Variants in ENTHD1 observed in about 807,000 individuals in gnomAD.
The protein encoded by ENTHD1 is ENTH domain-containing protein 1.
Under a neutral mutation model 39.1 loss-of-function variants are expected in ENTHD1, and 23 were observed. The ratio of observed to expected loss-of-function variants is 0.59; its 90% CI spans 0.42 to 0.83. The LOEUF (loss-of-function observed/expected upper bound fraction) is 0.83. Ranked by LOEUF, ENTHD1 falls within the 40% of genes least tolerant of loss-of-function variation. The probability of loss-of-function intolerance (pLI) is 0.00; values close to 1 mark genes in which losing one functional copy is unlikely to be tolerated. For synonymous variants in ENTHD1, 230 were observed against 258.2 expected (o/e 0.89, Z 1.05); for missense variants, 624 against 705.4 (o/e 0.88, Z 1.31).
chr22:39,853,579 A>C (rs112459262), intron 3 of ENTHD1, among the ~76,000 whole-genome samples: 2,007 of 150,004 alleles, frequency 0.013, 21 homozygotes, highest in East Asian at 0.072. Context: ...TCTTCTTCTT[A>C]TTATTATTTT....
chr22:39,869,983 C>CTTTATTTATTTATTTA (rs137943), intron 2 of ENTHD1, among the ~76,000 whole-genome samples: 57 of 140,698 alleles, frequency 4.1e-4, no homozygotes, highest in Admixed American at 7.9e-4. Flanking sequence ...GAGAACAGTA[C>CTTTATTTATTTATTTA]TTTATTTATT....
At chr22:39,793,650 G>A (rs1001516441) in intron 5 of ENTHD1, among the ~76,000 whole-genome samples, 2 of 151,082 alleles carry the variant, frequency 1.3e-5, no homozygotes, top group African/African-American at 2.4e-5. Context: ...TCTTTAATCC[G>A]GGGTCTAGTT....
chr22:39,829,968 C>T (rs1438754784), intron 4 of ENTHD1, among the ~76,000 whole-genome samples: 1 of 152,092 alleles, frequency 6.6e-6, no homozygotes, highest in African/African-American at 2.4e-5. Context: ...CAGTTACAAA[C>T]TCCTTGGGCT....
At chr22:39,845,364 A>C (rs1045900777) in intron 3 of ENTHD1, among the ~76,000 whole-genome samples, 1 of 152,186 alleles carries the variant, frequency 6.6e-6, no homozygotes, top group African/African-American at 2.4e-5. Context: ...CCAGGACCTG[A>C]GCCCTTAACC....
chr22:39,836,647 A>G (rs2065909497), intron 3 of ENTHD1, among the ~76,000 whole-genome samples: 1 of 152,196 alleles, frequency 6.6e-6, no homozygotes, highest in Admixed American at 6.5e-5. Context: ...CACCTGTGAT[A>G]TGGTTTGGAT....
chr22:39,865,862 C>A (rs1569174202), intron 2 of ENTHD1, among the ~76,000 whole-genome samples: 1 of 152,158 alleles, frequency 6.6e-6, no homozygotes, highest in African/African-American at 2.4e-5. Flanking sequence ...ACAAAGGAAG[C>A]CAAGACTGGA....
At chr22:39,778,726 C>G (rs776143721) in intron 5 of ENTHD1, among the ~76,000 whole-genome samples, 54 of 152,326 alleles carry the variant, frequency 3.5e-4, no homozygotes, top group African/African-American at 1.2e-3. Flanking sequence ...CTTGTTCTTA[C>G]AGCTCTTTCC....
intron 5 of ENTHD1, among the ~76,000 whole-genome samples, chr22:39,818,292 C>T (rs2065749721): frequency 6.6e-6 from 1 of 152,194 alleles, no homozygotes; most frequent in South Asian, 2.1e-4. Flanking sequence ...ATGATTCCTG[C>T]CCCAGCCTTT....
rs2065080656 is a variant in ENTHD1, at chr22:39,743,847, TAAAAG to T, written c.1651_1655del (p.Leu551LysfsTer9). 2 of 1,613,988 alleles carry T rather than the reference TAAAAG, an allele frequency of 1.2e-6. No homozygotes were observed. Among genetic ancestry groups the T allele is most frequent in the Non-Finnish European group, 1.7e-6 (2 of 1,180,020 alleles). On this transcript the variant is annotated frameshift_variant, in exon 7 of 7. Coordinates refer to ENST00000325157, the MANE Select transcript of ENTHD1 (RefSeq NM_152512.4). LOFTEE classifies it low-confidence loss of function (END_TRUNC). ...TAGCGATCGCACGTTTTACCTCCCT[TAAAAG>T]AACACTAATGGAATTCTTTGCTTCA...
chr22:39,782,544 T>C (rs1205279061), intron 5 of ENTHD1, among the ~76,000 whole-genome samples: 1 of 151,994 alleles, frequency 6.6e-6, no homozygotes, highest in Non-Finnish European at 1.5e-5. Flanking sequence ...CTAATGAATA[T>C]AGATACAAAA....
rs528246802 is a variant in ENTHD1, at chr22:39,849,762, C to G, written c.592+12003G>C. ...GTTATAGCCAGCCATCTTTCTAAAACTCACTATTTTTAGTATGTCTGTAGA... is the reference window on the plus strand; with the variant it reads ...GTTATAGCCAGCCATCTTTCTAAAAGTCACTATTTTTAGTATGTCTGTAGA... On this transcript the variant is annotated intron_variant, in intron 3 of 6. Coordinates refer to ENST00000325157, the MANE Select transcript of ENTHD1 (RefSeq NM_152512.4). Among the ~76,000 whole-genome samples the G allele has an allele frequency of 2.6e-5, 4 of 152,246 alleles. No homozygotes were observed. In the South Asian group the frequency reaches 8.3e-4, roughly 32 times the overall value.
At chr22:39,811,333 C>G (rs2065684329) in intron 5 of ENTHD1, among the ~76,000 whole-genome samples, 1 of 152,180 alleles carries the variant, frequency 6.6e-6, no homozygotes, top group Non-Finnish European at 1.5e-5. Flanking sequence ...GTCCAGGCCA[C>G]TGGATAAGCT....
chr22:39,784,502 C>G (rs952368873), intron 5 of ENTHD1, among the ~76,000 whole-genome samples: 1 of 151,206 alleles, frequency 6.6e-6, no homozygotes, highest in Admixed American at 6.6e-5. Flanking sequence ...AACCTAAGTG[C>G]CCACCAATGA....
chr22:39,831,313 C>T (rs895427660), intron 4 of ENTHD1, among the ~76,000 whole-genome samples: 4 of 152,114 alleles, frequency 2.6e-5, no homozygotes, highest in Non-Finnish European at 5.9e-5. Context: ...CAAAAGAAAG[C>T]AATCCCAAGC....
intron 6 of ENTHD1, among the ~76,000 whole-genome samples, chr22:39,749,888 C>T (rs746615115): frequency 6.6e-6 from 1 of 152,178 alleles, no homozygotes; most frequent in African/African-American, 2.4e-5. Context: ...GTGAGGTCAT[C>T]GTTACTGCCT....
intron 3 of ENTHD1, among the ~76,000 whole-genome samples, chr22:39,839,597 G>A (rs1363967812): frequency 6.6e-6 from 1 of 152,332 alleles, no homozygotes; most frequent in African/African-American, 2.4e-5. Flanking sequence ...TCACATAAAA[G>A]TGAATAATTA....
At chr22:39,782,143 T>C (rs1484451010) in intron 5 of ENTHD1, among the ~76,000 whole-genome samples, 1 of 151,896 alleles carries the variant, frequency 6.6e-6, no homozygotes, top group Non-Finnish European at 1.5e-5. Flanking sequence ...AAAAATTATC[T>C]GGGCATGGTG....
At chr22:39,789,326 A>AT (rs1470055877) in intron 5 of ENTHD1, among the ~76,000 whole-genome samples, 1 of 152,042 alleles carries the variant, frequency 6.6e-6, no homozygotes, top group Non-Finnish European at 1.5e-5. Context: ...CCCTCACCAA[A>AT]TACACTGAAA....
rs2066389620 is a variant in ENTHD1 at position 39,887,564 on chromosome 22, T to C, written c.185A>G (p.Asn62Ser). 4 of 1,614,238 alleles carry C rather than the reference T, an allele frequency of 2.5e-6. No homozygotes were observed. The African/African-American group carries it at 4.0e-5, about 16-fold the overall frequency. The change falls in exon 2 of 7, where the codon AAT becomes AGT. Residue 62 changes from asparagine (N) to serine (S), a missense_variant. Coordinates refer to ENST00000325157, the MANE Select transcript of ENTHD1 (RefSeq NM_152512.4). The stretch of plus-strand genomic sequence containing the variant: ...GTGGCGCCAGTTCTTCCCATGGTCA[T>C]TGAGTCTGTGCCACAGCATATTCAT... ...EIMNMLWHRL[N>S]DHGKNWRHVY...
Sources: gnomAD v4.1 joint callset for allele counts (sites outside exome capture counted in the v4.1 genomes callset) on GRCh38, gnomAD v4.1.1 for gene constraint, MANE v1.5 for transcripts, NCBI Gene and HGNC (gene_info 2026-07-23, HGNC 2026-07-21) for gene names.